The following SLC9A3 variants were observed in gnomAD, a reference collection of about 807,000 sequenced individuals.
SLC9A3 encodes solute carrier family 9 member A3, also known as sodium/hydrogen exchanger 3.
In SLC9A3, 37 loss-of-function variants were observed where a neutral mutation model predicts 86.8. The observed-to-expected ratio is 0.43, with a 90% CI of 0.33 to 0.56. The LOEUF is 0.56. Ranked by LOEUF, SLC9A3 falls within the 20% of genes least tolerant of loss-of-function variation. The pLI is 0.06. For synonymous variants in SLC9A3, 581 were observed against 528.3 expected (o/e 1.10, Z -1.37); for missense variants, 1,011 against 1,171.9 (o/e 0.86, Z 2.00).
chr5:517,730 C>T lies in SLC9A3; in HGVS notation c.211+6382G>A, dbSNP rs183120123. Among the ~76,000 whole-genome samples the T allele has an allele frequency of 4.7e-5, 7 of 150,152 alleles. No homozygotes were observed. The South Asian group carries it at 1.3e-3, about 28-fold the overall frequency. ...TTCACCCAAGCCATCCAGCCATCCACCCATCCATCCATTCACCCATCCATC... is the reference window on the plus strand; with the variant it reads ...TTCACCCAAGCCATCCAGCCATCCATCCATCCATCCATTCACCCATCCATC... On this transcript the variant is annotated intron_variant, in intron 1 of 16. Coordinates refer to ENST00000264938, the MANE Select transcript of SLC9A3 (RefSeq NM_004174.4).
chr5:473,353 C>T lies in SLC9A3; in HGVS notation c.*26G>A, dbSNP rs1181827354. 3.5e-6 allele frequency: 5 copies of T among 1,414,466 alleles called. No homozygotes were observed. Among genetic ancestry groups the T allele is most frequent in the Admixed American group, 2.6e-5 (1 of 37,792 alleles). The allele number at this position is 1,414,466 out of a possible 1,614,324, so 87.6% of individuals were successfully genotyped here. On this transcript the variant is annotated 3_prime_UTR_variant, in exon 17 of 17. Coordinates refer to ENST00000264938, the MANE Select transcript of SLC9A3 (RefSeq NM_004174.4). ...GGACCGTGGCGCGGGGACGAGCGGC[C>T]GGTTAGCGGCGTGTCGGAGCCGGTG...
chr5:493,885 C>T (rs567273366), intron 1 of SLC9A3, among the ~76,000 whole-genome samples: 96 of 152,324 alleles, frequency 6.3e-4, no homozygotes, highest in African/African-American at 2.3e-3. Context: ...GGCAGGGCAG[C>T]GGGGGTTGGC....
Position 485,152 on chromosome 5 carries a change from C to T in SLC9A3, c.754+1G>A, listed in dbSNP as rs1447726668. 6.2e-7 allele frequency: 1 copy of T among 1,611,952 alleles called. No homozygotes were observed. Among genetic ancestry groups the T allele is most frequent in the Non-Finnish European group, 8.5e-7 (1 of 1,178,236 alleles). ...ACTCCCCCTGACCCACAGCTACACACCTATGCCCTTCACGCAGTCCACGCC... is the reference window on the plus strand; with the variant it reads ...ACTCCCCCTGACCCACAGCTACACATCTATGCCCTTCACGCAGTCCACGCC... On this transcript the variant is annotated splice_donor_variant, in intron 4 of 16. Transcript: ENST00000264938. LOFTEE classifies it high-confidence loss of function.
chr5:494,176 G>A (rs977994844), intron 1 of SLC9A3, among the ~76,000 whole-genome samples: 3 of 152,244 alleles, frequency 2.0e-5, no homozygotes, highest in South Asian at 2.1e-4. Flanking sequence ...TGTGATGCAC[G>A]TGAGAAGTCC....
At chr5:500,274 C>T (rs541414165) in intron 1 of SLC9A3, among the ~76,000 whole-genome samples, 4 of 152,370 alleles carry the variant, frequency 2.6e-5, no homozygotes, top group South Asian at 4.1e-4. Flanking sequence ...AGCCAAACCA[C>T]GAGAAGCTCC....
chr5:494,216 C>T (rs187269039), intron 1 of SLC9A3, among the ~76,000 whole-genome samples: 6 of 152,376 alleles, frequency 3.9e-5, no homozygotes, highest in Admixed American at 2.0e-4. Context: ...CCGACAGCCC[C>T]GTCCTCAGCA....
Position 482,735 on chromosome 5 carries a change from G to T in SLC9A3, c.1169C>A (p.Thr390Asn). Reference sequence around the variant, plus strand: ...CATGCGGTAGCGGTTCAGAAGCCAGGTCTGCAGGACCACACCTGCGGATGA... The same window carrying T: ...CATGCGGTAGCGGTTCAGAAGCCAGTTCTGCAGGACCACACCTGCGGATGA... Reference protein sequence around the residue: ...VYRAIGVVLQTWLLNRYRMVQ... With the variant: ...VYRAIGVVLQNWLLNRYRMVQ... The change falls in exon 7 of 17, where the codon ACC (threonine) becomes AAC (asparagine). Residue 390 changes from threonine (T) to asparagine (N), a missense_variant. Thr to Asn is a moderately conservative substitution (Grantham distance 65). This residue lies in a region of SLC9A3 where 565 missense variants were observed against 790.0 expected (regional missense o/e 0.72). Coordinates refer to ENST00000264938, the MANE Select transcript of SLC9A3 (RefSeq NM_004174.4). 1.2e-6 allele frequency: 2 copies of T among 1,606,242 alleles called. No homozygotes were observed. Among genetic ancestry groups the T allele is most frequent in the Non-Finnish European group, 1.7e-6 (2 of 1,177,078 alleles).
chr5:512,850 C>T (rs960106840), intron 1 of SLC9A3, among the ~76,000 whole-genome samples: 3 of 152,104 alleles, frequency 2.0e-5, no homozygotes, highest in African/African-American at 4.8e-5. Context: ...GGAGGAAGGG[C>T]TGGGCGTGCA....
rs377290851 is a variant in SLC9A3 at position 492,693 on chromosome 5, C to T, written c.212-622G>A. ...GCCTCTGACCTGCCGCCCCACCGCC[C>T]GGCTGGTTCTGGTCCCCCGGACCCC... On this transcript the variant is annotated intron_variant, in intron 1 of 16. Transcript: ENST00000264938. Among the ~76,000 whole-genome samples the T allele has an allele frequency of 7.9e-4, 120 of 152,204 alleles. 9 individuals carry two copies. In the East Asian group the frequency reaches 0.011, roughly 14 times the overall value.
intron 16 of SLC9A3, among the ~76,000 whole-genome samples, chr5:474,115 C>T (rs1490168393): frequency 6.6e-6 from 1 of 150,888 alleles, no homozygotes; most frequent in Non-Finnish European, 1.5e-5. Context: ...AGGTTCAGGT[C>T]CAGGGAGGAG....
At position 477,422 on chromosome 5, in the gene SLC9A3, G is replaced by T; in HGVS notation, c.1670C>A (p.Ala557Asp). The change falls in exon 11 of 17, where the codon GCC (alanine) becomes GAC (aspartate). Residue 557 changes from alanine to aspartate, a missense_variant. Around this residue, in one of 3 missense-constraint regions of SLC9A3, gnomAD observed 565 missense variants for 790.0 expected, o/e 0.72. Coordinates refer to ENST00000264938, the MANE Select transcript of SLC9A3 (RefSeq NM_004174.4). ...GTCGGTGCTGGGGGAGCGGATGAAG[G>T]CCAGGGACCCGCGGCGCTCTCCCTG... ...VAEGERRGSL[A>D]FIRSPSTDNV... 6.2e-7 allele frequency: 1 copy of T among 1,612,744 alleles called. No homozygotes were observed. The highest frequency in any genetic ancestry group is 8.5e-7 in the Non-Finnish European group (1 of 1,179,666).
rs117444596 is a variant in SLC9A3, at chr5:515,399, G to A, written c.211+8713C>T. On this transcript the variant is annotated intron_variant, in intron 1 of 16. Coordinates refer to ENST00000264938, the MANE Select transcript of SLC9A3 (RefSeq NM_004174.4). The stretch of plus-strand genomic sequence containing the variant: ...TGCTCTCCTGACTCCACCTGGACAC[G>A]GCCCCAGGCTCCATCTCAATTCTTC... 7.7e-4 allele frequency among the ~76,000 whole-genome samples: 117 copies of A among 152,066 alleles called. 1 individual carries two copies. The East Asian group carries it at 0.017, about 22-fold the overall frequency.
At chr5:479,695 C>T in intron 10 of SLC9A3, 141 bp downstream of exon 10, 1 of 755,738 alleles carries the variant, frequency 1.3e-6, no homozygotes, top group Admixed American at 2.4e-5. Flanking sequence ...TCAGAAGGCC[C>T]ATCAGCCTCC....
rs1208679939 is a variant in SLC9A3, at chr5:509,504, A to G, written c.211+14608T>C. The stretch of plus-strand genomic sequence containing the variant: ...GAGGGAGGGAGGGAAAGAAGGAAGG[A>G]AGGGAGGGAGGGAGGGAGGAAGGAA... On this transcript the variant is annotated intron_variant, in intron 1 of 16. Coordinates refer to ENST00000264938, the MANE Select transcript of SLC9A3 (RefSeq NM_004174.4). Among the ~76,000 whole-genome samples the G allele has an allele frequency of 2.9e-5, 3 of 103,810 alleles. No individual in the cohort carries two copies. The South Asian group carries it at 1.2e-3, about 40-fold the overall frequency. The allele number at this position is 103,810 out of a possible 152,430, so 68.1% of individuals were successfully genotyped here.
rs1738737216 is a variant in SLC9A3 at position 476,388 on chromosome 5, C to T, written c.1891-10G>A. On this transcript the variant is annotated splice_polypyrimidine_tract_variant and intron_variant, in intron 12 of 16. Coordinates refer to ENST00000264938, the MANE Select transcript of SLC9A3 (RefSeq NM_004174.4). Reference sequence around the variant, plus strand: ...TGTACAGATGCTTGTACTGCGGGATCAGGCACGGAGGTCACAGCTGTGCCC... The same window carrying T: ...TGTACAGATGCTTGTACTGCGGGATTAGGCACGGAGGTCACAGCTGTGCCC... The T allele has an allele frequency of 6.2e-7, 1 of 1,613,456 alleles. No homozygotes were observed. The highest frequency in any genetic ancestry group is 8.5e-7 in the Non-Finnish European group (1 of 1,179,958).
At chr5:510,672 C>T (rs1316416857) in intron 1 of SLC9A3, among the ~76,000 whole-genome samples, 4 of 152,348 alleles carry the variant, frequency 2.6e-5, no homozygotes, top group Non-Finnish European at 5.9e-5. Flanking sequence ...CAGACTCAGC[C>T]CGGAAAGGCC....
At chr5:498,544 G>A (rs538637037) in intron 1 of SLC9A3, among the ~76,000 whole-genome samples, 6 of 152,320 alleles carry the variant, frequency 3.9e-5, no homozygotes, top group South Asian at 4.1e-4. Flanking sequence ...TGGGATTACA[G>A]GCGTGCGCCA....
intron 3 of SLC9A3, among the ~76,000 whole-genome samples, chr5:487,850 T>C (rs985770346): frequency 1.3e-5 from 2 of 152,292 alleles, no homozygotes; most frequent in East Asian, 3.9e-4. Flanking sequence ...GTATTTTTAG[T>C]AGAGACGGGG....
intron 3 of SLC9A3, 52 bp from the exon 4 acceptor site, chr5:485,283 C>G (rs1390343641): frequency 2.7e-6 from 4 of 1,458,466 alleles, no homozygotes; most frequent in South Asian, 2.3e-5. Context: ...GTGCCACCCC[C>G]TCTCCGGGGC....
Sources: gnomAD v4.1 joint callset for allele counts (sites outside exome capture counted in the v4.1 genomes callset) on GRCh38, gnomAD v4.1.1 for gene constraint, gnomAD v4.1.1 regional missense constraint, MANE v1.5 for transcripts, NCBI Gene and HGNC (gene_info 2026-07-23, HGNC 2026-07-21) for gene names.